Variants in FANCC observed in about 807,000 individuals in gnomAD.
FANCC encodes the protein FA complementation group C, also known as Fanconi anemia group C protein.
FANCC carries 55 observed loss-of-function variants against 71.3 expected under a neutral mutation model. The ratio of observed to expected loss-of-function variants is 0.77; its 90% CI spans 0.62 to 0.97. FANCC has a LOEUF of 0.97. Ranked by LOEUF, FANCC falls within the 50% of genes least tolerant of loss-of-function variation. FANCC has a pLI of 0.00. For synonymous variants in FANCC, 275 were observed against 244.9 expected, an observed-to-expected ratio of 1.12 and a Z score of -1.15; for missense variants, 678 against 670.9, an observed-to-expected ratio of 1.01 and a Z score of -0.12.
At chr9:95,134,392 C>T (rs1187967537) in intron 8 of FANCC, among the ~76,000 whole-genome samples, 5 of 152,070 alleles carry the variant, frequency 3.3e-5, no homozygotes, top group African/African-American at 9.7e-5. Flanking sequence ...AGCTCAAGGG[C>T]GAGGGTGAAC....
At chr9:95,155,257 G>GAGGGGAGGGGAAGAA (rs1830394352) in intron 6 of FANCC, among the ~76,000 whole-genome samples, 1 of 6,736 alleles carries the variant, frequency 1.5e-4, no homozygotes, top group Non-Finnish European at 2.5e-4. Context: ...GAGGGGAGGG[G>GAGGGGAGGGGAAGAA]AGGGGAGGGG....
intron 10 of FANCC, chr9:95,123,698 G>C (rs1188583569): frequency 4.4e-6 from 3 of 681,470 alleles, no homozygotes; most frequent in Non-Finnish European, 8.2e-6. Context: ...GAGCGTCTTT[G>C]ATGCCTATGT....
At chr9:95,121,419 A>G (rs2072870605) in intron 10 of FANCC, among the ~76,000 whole-genome samples, 1 of 152,216 alleles carries the variant, frequency 6.6e-6, no homozygotes, top group African/African-American at 2.4e-5. Flanking sequence ...TCACTCATAA[A>G]CTGTTGCAGG....
At chr9:95,313,716 A>G (rs1269291826) in intron 1 of FANCC, among the ~76,000 whole-genome samples, 2 of 152,206 alleles carry the variant, frequency 1.3e-5, no homozygotes, top group African/African-American at 4.8e-5. Flanking sequence ...CCTAAACAAA[A>G]TATTACTAAG....
intron 4 of FANCC, among the ~76,000 whole-genome samples, chr9:95,197,507 C>A (rs1296904463): frequency 6.6e-6 from 1 of 152,148 alleles, no homozygotes; most frequent in Non-Finnish European, 1.5e-5. Flanking sequence ...CCACTGCACT[C>A]CAGCCTGGGT....
chr9:95,130,461 T>A (rs1022236509), intron 8 of FANCC, among the ~76,000 whole-genome samples: 2 of 152,212 alleles, frequency 1.3e-5, no homozygotes, highest in African/African-American at 4.8e-5. Context: ...TATCAAGTGC[T>A]TTCCATCTAT....
chr9:95,143,699 T>A (rs1371975087), intron 7 of FANCC, among the ~76,000 whole-genome samples: 2 of 152,210 alleles, frequency 1.3e-5, no homozygotes, highest in Non-Finnish European at 2.9e-5. Flanking sequence ...CTTCTCAGTA[T>A]TTTTGAAGCA....
chr9:95,280,085 G>A (rs1435215832), intron 1 of FANCC, among the ~76,000 whole-genome samples: 2 of 151,544 alleles, frequency 1.3e-5, no homozygotes, highest in Non-Finnish European at 2.9e-5. Context: ...GAAGTAAAAG[G>A]ATAGAAAAGA....
chr9:95,205,342 C>T (rs1294686362), intron 4 of FANCC, among the ~76,000 whole-genome samples: 1 of 151,780 alleles, frequency 6.6e-6, no homozygotes, highest in Non-Finnish European at 1.5e-5. Context: ...ATTATGTGTG[C>T]CTATATAAAA....
intron 1 of FANCC, among the ~76,000 whole-genome samples, chr9:95,289,093 C>A (rs1360509596): frequency 6.6e-6 from 1 of 152,086 alleles, no homozygotes; most frequent in African/African-American, 2.4e-5. Flanking sequence ...AAGAGCAAGA[C>A]CCTGTCTCTA....
At chr9:95,287,114 C>A (rs1461755154) in intron 1 of FANCC, among the ~76,000 whole-genome samples, 2 of 152,240 alleles carry the variant, frequency 1.3e-5, no homozygotes, top group African/African-American at 4.8e-5. Flanking sequence ...TCCCACTATA[C>A]AGGTGTGGAA....
intron 4 of FANCC, among the ~76,000 whole-genome samples, chr9:95,174,516 A>T (rs1377426306): frequency 1.3e-5 from 2 of 151,844 alleles, no homozygotes; most frequent in Admixed American, 1.3e-4. Flanking sequence ...GACTGCTAAC[A>T]TTTATATTAA....
At chr9:95,248,447 T>C (rs187690669) in intron 2 of FANCC, among the ~76,000 whole-genome samples, 15 of 152,338 alleles carry the variant, frequency 9.8e-5, no homozygotes, top group Admixed American at 7.8e-4. Context: ...TGAACTCATA[T>C]TATCAATACA....
chr9:95,128,189 C>T (rs1001357011), intron 8 of FANCC, among the ~76,000 whole-genome samples: 1 of 151,880 alleles, frequency 6.6e-6, no homozygotes, highest in Non-Finnish European at 1.5e-5. Context: ...GATATAAGCA[C>T]GGAAAATATA....
At chr9:95,292,548 T>C in intron 1 of FANCC, 2 of 1,479,204 alleles carry the variant, frequency 1.4e-6, no homozygotes, top group Non-Finnish European at 1.8e-6. Context: ...GATCCAGCAG[T>C]AGGTGAGCGA....
In FANCC at chr9:95,108,948, C is replaced by G. The variant is rs574763330; in HGVS notation, c.1330-1679G>C. Among the ~76,000 whole-genome samples the G allele has an allele frequency of 3.3e-5, 5 of 151,888 alleles. No individual in the cohort carries two copies. In the East Asian group the frequency reaches 9.7e-4, roughly 29 times the overall value. ...GGAGACAGAGCCTTGCTCTGTCACC[C>G]AGGCTGGAATGCAGTGGTGCAATCT... On this transcript the variant is annotated intron_variant, in intron 13 of 14. Coordinates refer to ENST00000289081, the MANE Select transcript of FANCC (RefSeq NM_000136.3).
chr9:95,180,286 T>C (rs1196534114), intron 4 of FANCC, among the ~76,000 whole-genome samples: 3 of 151,934 alleles, frequency 2.0e-5, no homozygotes, highest in Non-Finnish European at 4.4e-5. Context: ...AATGTCTTCT[T>C]CTGGAATGAA....
At chr9:95,145,314 T>C (rs1029310585) in intron 7 of FANCC, 3 of 152,100 alleles carry the variant, frequency 2.0e-5, no homozygotes, top group African/African-American at 7.2e-5. Flanking sequence ...CAACAAAACA[T>C]TAGGAACAAG....
chr9:95,196,103 T>C (rs567661200), intron 4 of FANCC, among the ~76,000 whole-genome samples: 32 of 152,326 alleles, frequency 2.1e-4, no homozygotes, highest in Non-Finnish European at 4.0e-4. Context: ...GCAGGCCTTT[T>C]ATTTCTTTTT....
Sources: allele counts gnomAD v4.1 joint callset (sites outside exome capture counted in the v4.1 genomes callset), GRCh38; gene constraint gnomAD v4.1.1; transcripts MANE v1.5; gene names NCBI Gene and HGNC (gene_info 2026-07-23, HGNC 2026-07-21).